TRAPPC9: variants seen among roughly 807,000 people sequenced by gnomAD.
TRAPPC9 encodes trafficking protein particle complex subunit 9, also known as IKK2 binding protein.
TRAPPC9 carries 83 observed loss-of-function variants against 124.0 expected under a neutral mutation model. That is an observed-to-expected ratio of 0.67 (90% CI 0.56 to 0.80). The LOEUF is 0.80. Among genes scored for constraint, TRAPPC9 ranks in the 30% least tolerant of loss-of-function variants. The probability of loss-of-function intolerance (pLI) is 0.00; values close to 1 mark genes in which losing one functional copy is unlikely to be tolerated. For missense variants in TRAPPC9, 1,302 were observed against 1,508.3 expected (o/e 0.86, Z 2.27); for synonymous variants, 638 against 617.5 (o/e 1.03, Z -0.49).
In TRAPPC9 at chr8:139,891,295, A is replaced by C. The variant is rs535441390; in HGVS notation, c.2965-5326T>G. Among the ~76,000 whole-genome samples, 708 of 152,390 alleles carry C rather than the reference A, an allele frequency of 4.6e-3. 7 individuals carry two copies. The highest frequency in any genetic ancestry group is 4.4e-3 in the Non-Finnish European group (300 of 68,040). On this transcript the variant is annotated intron_variant, in intron 20 of 22. Transcript: ENST00000438773. The stretch of plus-strand genomic sequence containing the variant: ...AGGGAATCTCATCAGCAAAGATTAA[A>C]GAACTTTTCTGAAGGAAGGGGAGGA...
intron 21 of TRAPPC9, among the ~76,000 whole-genome samples, chr8:139,783,505 A>G (rs1821975865): frequency 6.6e-6 from 1 of 152,256 alleles, no homozygotes; most frequent in African/African-American, 2.4e-5. Flanking sequence ...ATATTCTTTA[A>G]TATACCTACA....
At chr8:139,975,073 C>G (rs1449614741) in intron 19 of TRAPPC9, among the ~76,000 whole-genome samples, 1 of 152,148 alleles carries the variant, frequency 6.6e-6, no homozygotes, top group Admixed American at 6.5e-5. Context: ...CTGGAAAGCA[C>G]CACCAAGAAG....
rs139881593 is a variant in TRAPPC9 at position 140,252,885 on chromosome 8, G to A, written c.2323C>T (p.Leu775Phe). The A allele has an allele frequency of 5.6e-6, 9 of 1,613,976 alleles. No homozygotes were observed. Among genetic ancestry groups the A allele is most frequent in the Non-Finnish European group, 7.6e-6 (9 of 1,180,028 alleles). ...CCAGGCTGCAAAGGGAACTGGGCAA[G>A]GGTTTCCTCTAGCTTCCAGCTCAAG... Reference protein sequence around the residue: ...DFLSWKLEETLAQFPLQPGKV... With the variant: ...DFLSWKLEETFAQFPLQPGKV... Residue 775 changes from leucine (L) to phenylalanine (F), a missense_variant, in exon 16 of 23, where the codon CTT (leucine) becomes TTT (phenylalanine). By Grantham distance (22) the Leu-to-Phe change is conservative (BLOSUM62 0). Transcript: ENST00000438773. The surrounding 1 kb of genome is among the most constrained non-coding windows in gnomAD (Gnocchi z 4.2).
intron 7 of TRAPPC9, among the ~76,000 whole-genome samples, chr8:140,390,338 C>T (rs1012158311): frequency 3.6e-4 from 55 of 152,198 alleles, no homozygotes; most frequent in African/African-American, 1.2e-3. Flanking sequence ...AGATAAATAT[C>T]AACTCCCACG....
At chr8:139,992,621 G>A (rs890426574) in intron 18 of TRAPPC9, among the ~76,000 whole-genome samples, 2 of 150,380 alleles carry the variant, frequency 1.3e-5, no homozygotes, top group Non-Finnish European at 2.9e-5. Context: ...AAACAATGAT[G>A]TGGGAGGTTT....
chr8:139,908,466 C>T (rs1220221969), intron 20 of TRAPPC9, among the ~76,000 whole-genome samples: 1 of 152,134 alleles, frequency 6.6e-6, no homozygotes, highest in African/African-American at 2.4e-5. Flanking sequence ...AAACATGGGC[C>T]TATCAGAAAG....
chr8:140,010,934 C>G (rs999813209), intron 18 of TRAPPC9, among the ~76,000 whole-genome samples: 2 of 152,094 alleles, frequency 1.3e-5, no homozygotes, highest in Non-Finnish European at 2.9e-5. Context: ...CAGAAGGGCA[C>G]ATGATCTGTA....
chr8:140,262,519 CG>C (rs533460810), intron 15 of TRAPPC9: 1 of 145,388 alleles, frequency 6.9e-6, no homozygotes, highest in South Asian at 2.1e-4. Context: ...ATTGTGTATA[CG>C]GTGGGGGGGG....
At chr8:139,886,118 A>C in intron 20 of TRAPPC9, 149 bp from the exon 21 acceptor site, 1 of 753,318 alleles carries the variant, frequency 1.3e-6, no homozygotes. Flanking sequence ...AACCACTATG[A>C]CATCACCCTG....
intron 18 of TRAPPC9, among the ~76,000 whole-genome samples, chr8:140,014,577 T>C (rs1441781552): frequency 6.6e-6 from 1 of 151,712 alleles, no homozygotes; most frequent in African/African-American, 2.4e-5. Context: ...ACTCTCCCCC[T>C]AGGGAGTGCA....
chr8:140,340,988 T>C (rs997468870), intron 9 of TRAPPC9, among the ~76,000 whole-genome samples: 1 of 152,186 alleles, frequency 6.6e-6, no homozygotes, highest in Non-Finnish European at 1.5e-5. Flanking sequence ...TTATATACAC[T>C]GTTTCTAATC....
intron 21 of TRAPPC9, among the ~76,000 whole-genome samples, chr8:139,857,677 C>T (rs1197218822): frequency 1.3e-5 from 2 of 152,234 alleles, no homozygotes; most frequent in Non-Finnish European, 1.5e-5. Flanking sequence ...CCACCTCTGC[C>T]TCCTCCCTGC....
intron 20 of TRAPPC9, among the ~76,000 whole-genome samples, chr8:139,901,002 A>AAAAT (rs143982687): frequency 6.3e-4 from 78 of 124,504 alleles, no homozygotes; most frequent in African/African-American, 2.1e-3. Flanking sequence ...ATAAATAAAT[A>AAAAT]AAATAAATAA....
At chr8:140,383,167 CA>C (rs2068659264) in intron 7 of TRAPPC9, among the ~76,000 whole-genome samples, 1 of 152,218 alleles carries the variant, frequency 6.6e-6, no homozygotes, top group Admixed American at 6.5e-5. Flanking sequence ...ATCTGTATAT[CA>C]CCATCATCAA....
chr8:140,100,184 G>A (rs1477647481), intron 17 of TRAPPC9: 1 of 136,220 alleles, frequency 7.3e-6, no homozygotes, highest in Non-Finnish European at 1.6e-5. Context: ...AGGGAACTGC[G>A]GAAAGAGTGC....
chr8:139,830,505 C>A (rs1024207562), intron 21 of TRAPPC9, among the ~76,000 whole-genome samples: 2 of 151,956 alleles, frequency 1.3e-5, no homozygotes, highest in Admixed American at 6.6e-5. Flanking sequence ...TAAGGATGCA[C>A]ACATACACAC....
Position 139,729,200 on chromosome 8 carries a change from T to C in TRAPPC9, c.*1861A>G, listed in dbSNP as rs1563766136. 6.6e-6 allele frequency among the ~76,000 whole-genome samples: 1 copy of C among 152,248 alleles called. No individual in the cohort carries two copies. Among genetic ancestry groups the C allele is most frequent in the Admixed American group, 6.5e-5 (1 of 15,282 alleles). ...GTGTATCCTTTCTACCTTTTAAACA[T>C]GTTGTTATAGACACGTTCTGAGGCA... is the stretch of plus-strand genomic sequence containing the variant. On this transcript the variant is annotated 3_prime_UTR_variant, in exon 23 of 23. Transcript: ENST00000438773.
rs756293624 is a variant in TRAPPC9 at position 139,910,200 on chromosome 8, G to A, written c.2911C>T (p.Arg971Trp). ...TGGATCTCCAGGCCTCGGGCTTCCC[G>A]CCGCTCTTCCTCCAGCTGCTTGGGG... is the stretch of plus-strand genomic sequence containing the variant. The part of the protein sequence containing the change: ...ANPKQLEEER[R>W]EARGLEIHSK... The change falls in exon 20 of 23, where the codon CGG (arginine) becomes TGG (tryptophan). Residue 971 changes from arginine (R) to tryptophan (W), a missense_variant. By Grantham distance (101) the Arg-to-Trp change is moderately radical. Transcript: ENST00000438773. The A allele has an allele frequency of 3.2e-5, 51 of 1,614,006 alleles. No homozygotes were observed. The highest frequency in any genetic ancestry group is 1.1e-4 in the African/African-American group (8 of 74,912).
intron 9 of TRAPPC9, among the ~76,000 whole-genome samples, chr8:140,321,919 G>A (rs541208969): frequency 1.5e-4 from 23 of 152,306 alleles, no homozygotes; most frequent in African/African-American, 5.1e-4. Flanking sequence ...CTTTCTCCAA[G>A]CACAAAGCAG....
Sources: allele counts gnomAD v4.1 joint callset (sites outside exome capture counted in the v4.1 genomes callset), GRCh38; gene constraint gnomAD v4.1.1; non-coding constraint Gnocchi (gnomAD v3.1); transcripts MANE v1.5; gene names NCBI Gene and HGNC (gene_info 2026-07-23, HGNC 2026-07-21).